MAPKAPK3: variants seen among roughly 807,000 people sequenced by gnomAD.
MAPKAPK3 encodes MAP kinase-activated protein kinase 3.
In MAPKAPK3, 35 loss-of-function variants were observed where a neutral mutation model predicts 49.2. The ratio of observed to expected loss-of-function variants is 0.71; its 90% CI spans 0.54 to 0.94. The LOEUF (loss-of-function observed/expected upper bound fraction) is 0.94. Among genes scored for constraint, MAPKAPK3 ranks in the 40% least tolerant of loss-of-function variants. The pLI is 0.00. For synonymous variants in MAPKAPK3, 178 were observed against 188.7 expected (o/e 0.94, Z 0.46); for missense variants, 398 against 493.1 (o/e 0.81, Z 1.83).
In MAPKAPK3 at chr3:50,625,736, C is replaced by T. The variant is rs144494671; in HGVS notation, c.219+7952C>T. ...CTTTTCCACCTGTTTCTCCTGCTAT[C>T]GCTCTGTCCCCGCTCTCCCGGGCCT... is the stretch of plus-strand genomic sequence containing the variant. On this transcript the variant is annotated intron_variant, in intron 2 of 10. Transcript: ENST00000621469. Among the ~76,000 whole-genome samples the T allele has an allele frequency of 4.2e-3, 642 of 152,296 alleles. 1 individual carries two copies. The highest frequency in any genetic ancestry group is 6.5e-3 in the Non-Finnish European group (443 of 68,024).
Position 50,620,772 on chromosome 3 carries a change from C to T in MAPKAPK3, c.219+2988C>T, listed in dbSNP as rs145134453. On this transcript the variant is annotated intron_variant, in intron 2 of 10. Transcript: ENST00000621469. ...CATTCTACTCCATTGTACCCCAAGC[C>T]CTCATTGCTGTCCTCTTGGCAGGAA... Among the ~76,000 whole-genome samples, 10 of 152,338 alleles carry T rather than the reference C, an allele frequency of 6.6e-5. 1 individual carries two copies. The East Asian group carries it at 1.7e-3, about 26-fold the overall frequency.
intron 2 of MAPKAPK3, among the ~76,000 whole-genome samples, chr3:50,633,284 T>C (rs1326326329): frequency 1.3e-5 from 2 of 151,966 alleles, no homozygotes; most frequent in Admixed American, 1.3e-4. Flanking sequence ...TAAATCCTGT[T>C]CTCTGCGAGT....
At chr3:50,642,354 TGGGGGCCC>T (rs1351228587) in intron 5 of MAPKAPK3, 22 bp downstream of exon 5, 1 of 1,597,028 alleles carries the variant, frequency 6.3e-7, no homozygotes, top group South Asian at 1.1e-5. Flanking sequence ...GGATTCAGGT[TGGGGGCCC>T]GGGGAAGAGG....
chr3:50,620,637 G>A lies in MAPKAPK3; in HGVS notation c.219+2853G>A, dbSNP rs141352434. Among the ~76,000 whole-genome samples, 3 of 152,334 alleles carry A rather than the reference G, an allele frequency of 2.0e-5. No individual in the cohort carries two copies. In the East Asian group the frequency reaches 5.8e-4, roughly 29 times the overall value. ...GGAGCAGGTCCCTCCCTCCCAGGGAGCTGGGCCTCTTCCGCTTTCCCTTAG... is the reference window on the plus strand; with the variant it reads ...GGAGCAGGTCCCTCCCTCCCAGGGAACTGGGCCTCTTCCGCTTTCCCTTAG... On this transcript the variant is annotated intron_variant, in intron 2 of 10. Transcript: ENST00000621469.
intron 5 of MAPKAPK3, among the ~76,000 whole-genome samples, chr3:50,643,855 A>G (rs1375414085): frequency 6.6e-6 from 1 of 151,624 alleles, no homozygotes; most frequent in Non-Finnish European, 1.5e-5. Flanking sequence ...TTCATTAAAA[A>G]CCAGTTTCAG....
intron 9 of MAPKAPK3, 108 bp downstream of exon 9, chr3:50,646,933 G>T: frequency 5.1e-6 from 6 of 1,187,736 alleles, no homozygotes; most frequent in Non-Finnish European, 7.4e-6. Flanking sequence ...GCTGGAATGG[G>T]CCCATGCACA....
Position 50,648,777 on chromosome 3 carries a change from A to C in MAPKAPK3, c.*731A>C, listed in dbSNP as rs1310088147. On this transcript the variant is annotated 3_prime_UTR_variant, in exon 11 of 11. Transcript: ENST00000621469. The stretch of plus-strand genomic sequence containing the variant: ...AAAGGGTGACTTTTCATCTGAACTT[A>C]AGGTGGGAGATATTTTTAACTTTTT... 6.6e-6 allele frequency: 1 copy of C among 152,252 alleles called. No individual in the cohort carries two copies. Among genetic ancestry groups the C allele is most frequent in the Admixed American group, 6.5e-5 (1 of 15,278 alleles). 9.4% of individuals were successfully genotyped at this position (152,252 alleles called of 1,614,324 possible). A position where few individuals can be genotyped will look rare whatever the true frequency, so the allele number is the denominator to read the frequency against.
At chr3:50,645,405 G>A (rs1033163493) in intron 6 of MAPKAPK3, among the ~76,000 whole-genome samples, 2 of 152,148 alleles carry the variant, frequency 1.3e-5, no homozygotes, top group Non-Finnish European at 2.9e-5. Context: ...CTCACCTACG[G>A]TAGCTTCCCA....
chr3:50,644,276 C>T (rs1319362178), intron 5 of MAPKAPK3, 133 bp from the exon 6 acceptor site: 36 of 1,041,972 alleles, frequency 3.5e-5, no homozygotes, highest in Admixed American at 3.4e-4. Flanking sequence ...GGGCAAGGCC[C>T]GGGTCTTTTT....
chr3:50,635,941 A>C (rs1444029747), intron 2 of MAPKAPK3, among the ~76,000 whole-genome samples: 2 of 148,756 alleles, frequency 1.3e-5, no homozygotes, highest in South Asian at 2.1e-4. Flanking sequence ...AAAAAAAAAA[A>C]AAAAACCAAA....
At chr3:50,636,085 TG>T (rs2033034498) in intron 2 of MAPKAPK3, among the ~76,000 whole-genome samples, 1 of 152,062 alleles carries the variant, frequency 6.6e-6, no homozygotes, top group Admixed American at 6.6e-5. Context: ...CACTCCAGCC[TG>T]GGTGACAGAG....
At chr3:50,637,733 G>A (rs2033077584) in intron 2 of MAPKAPK3, among the ~76,000 whole-genome samples, 1 of 149,334 alleles carries the variant, frequency 6.7e-6, no homozygotes, top group African/African-American at 2.5e-5. Flanking sequence ...GATGGAGACA[G>A]AGAGAGAGAG....
chr3:50,639,746 C>T (rs1401256269), intron 2 of MAPKAPK3, among the ~76,000 whole-genome samples: 2 of 152,150 alleles, frequency 1.3e-5, no homozygotes, highest in African/African-American at 2.4e-5. Context: ...CCAGCACTCT[C>T]CTGATCATGC....
upstream of MAPKAPK3, among the ~76,000 whole-genome samples, chr3:50,613,579 A>C (rs1301087174): frequency 6.6e-6 from 1 of 152,216 alleles, no homozygotes; most frequent in African/African-American, 2.4e-5. Flanking sequence ...CATTACTATG[A>C]AGACAAAAGG....
intron 2 of MAPKAPK3, among the ~76,000 whole-genome samples, chr3:50,623,426 C>T (rs572995289): frequency 1.2e-4 from 18 of 152,292 alleles, no homozygotes; most frequent in African/African-American, 3.8e-4. Context: ...TTACTGTTTT[C>T]GAAGCTGTGC....
upstream of MAPKAPK3, chr3:50,611,834 G>A: frequency 1.4e-6 from 1 of 711,198 alleles, no homozygotes. Context: ...CGAGCGGGGC[G>A]GGGCGAGCTG....
At chr3:50,632,627 A>G (rs2032940337) in intron 2 of MAPKAPK3, among the ~76,000 whole-genome samples, 1 of 152,234 alleles carries the variant, frequency 6.6e-6, no homozygotes, top group Admixed American at 6.5e-5. Flanking sequence ...CCAGAGCTTC[A>G]GCTTCTTAAT....
upstream of MAPKAPK3, chr3:50,617,117 A>AGGGGGGGGGGGGGGGG (rs559380787): frequency 4.7e-5 from 1 of 21,480 alleles, no homozygotes. Context: ...GGGGGTGGGG[A>AGGGGGGGGGGGGGGGG]GGGGGGGGAG....
At chr3:50,639,348 C>T (rs1464833342) in intron 2 of MAPKAPK3, among the ~76,000 whole-genome samples, 2 of 152,160 alleles carry the variant, frequency 1.3e-5, no homozygotes, top group East Asian at 3.8e-4. Flanking sequence ...CCAGTCTCTA[C>T]CTCTGGGTCC....
Sources: gnomAD v4.1 joint callset for allele counts (sites outside exome capture counted in the v4.1 genomes callset) on GRCh38, gnomAD v4.1.1 for gene constraint, MANE v1.5 for transcripts, NCBI Gene and HGNC (gene_info 2026-07-23, HGNC 2026-07-21) for gene names.